The following ZNRF2 variants were observed in gnomAD, a reference collection of about 807,000 sequenced individuals.
ZNRF2 encodes zinc and ring finger 2.
In ZNRF2, 16 loss-of-function variants were observed where a neutral mutation model predicts 20.4. The ratio of observed to expected loss-of-function variants is 0.79; its 90% confidence interval spans 0.53 to 1.19. The LOEUF is 1.19. ZNRF2 is among the 50% of genes most tolerant of loss of function. ZNRF2 has a pLI of 0.00. For synonymous variants in ZNRF2, 178 were observed against 144.9 expected, an observed-to-expected ratio of 1.23 and a Z score of -1.64; for missense variants, 363 against 332.4, an observed-to-expected ratio of 1.09 and a Z score of -0.72.
chr7:30,365,844 T>G (rs1366152271), intron 4 of ZNRF2, among the ~76,000 whole-genome samples, 191 bp from the exon 5 acceptor site: 1 of 152,162 alleles, frequency 6.6e-6, no homozygotes, highest in African/African-American at 2.4e-5. Flanking sequence ...TTTACTTGCG[T>G]GTAGTCCTTA....
intron 2 of ZNRF2, among the ~76,000 whole-genome samples, chr7:30,337,720 A>G (rs143760561): frequency 1.9e-3 from 288 of 152,052 alleles, no homozygotes; most frequent in African/African-American, 6.5e-3. Flanking sequence ...TTTGCTTGCT[A>G]TCTTTGCTTC....
intron 2 of ZNRF2, among the ~76,000 whole-genome samples, chr7:30,350,041 A>G (rs1425920853): frequency 1.3e-5 from 2 of 152,044 alleles, no homozygotes; most frequent in East Asian, 3.9e-4. Flanking sequence ...TTGTGTGACT[A>G]CTTGTGGCTT....
At chr7:30,347,016 T>A (rs1014640868) in intron 2 of ZNRF2, among the ~76,000 whole-genome samples, 2 of 152,176 alleles carry the variant, frequency 1.3e-5, no homozygotes, top group African/African-American at 4.8e-5. Flanking sequence ...ATTCTAGGAA[T>A]TTTTACTGGT....
rs1798741010 is a variant in ZNRF2, at chr7:30,284,834, A to G, written c.-524A>G. ...CACCCGTTTTTCCTCTTTCTCCGTT[A>G]ATAACAGCTGGGTGGCTGGGGGAGG... On this transcript the variant is annotated 5_prime_UTR_variant, in exon 1 of 5. Coordinates refer to ENST00000323037, the MANE Select transcript of ZNRF2 (RefSeq NM_147128.4). 1 of 209,572 alleles carries G rather than the reference A, an allele frequency of 4.8e-6. No individual in the cohort carries two copies. The highest frequency in any genetic ancestry group is 1.0e-5 in the Non-Finnish European group (1 of 98,206). 13.0% of individuals were successfully genotyped at this position (209,572 alleles called of 1,614,324 possible).
At position 30,305,406 on chromosome 7, in the gene ZNRF2, T is replaced by C. The variant is rs188891198; in HGVS notation, c.470-18236T>C. Among the ~76,000 whole-genome samples the C allele has an allele frequency of 1.3e-3, 194 of 152,310 alleles. 1 individual carries two copies. The highest frequency in any genetic ancestry group is 4.3e-3 in the African/African-American group (180 of 41,584). ...AGTTTTACTCATGTTTTAAAAGATA[T>C]CTTAAGCTTCAAGGGAGATATGGCT... On this transcript the variant is annotated intron_variant, in intron 1 of 4. Transcript: ENST00000323037.
chr7:30,323,880 T>C, intron 2 of ZNRF2, 143 bp downstream of exon 2: 1 of 506,982 alleles, frequency 2.0e-6, no homozygotes, highest in Non-Finnish European at 3.2e-6. Context: ...GGTTCTCAAA[T>C]TCTGTGATCT....
chr7:30,361,940 A>C (rs1480140303), intron 3 of ZNRF2, among the ~76,000 whole-genome samples: 1 of 152,246 alleles, frequency 6.6e-6, no homozygotes, highest in African/African-American at 2.4e-5. Context: ...TTCAATAATC[A>C]CATATAAATA....
chr7:30,362,362 T>C lies in ZNRF2; in HGVS notation c.672-15T>C, dbSNP rs1259420041. 1 of 1,562,230 alleles carries C rather than the reference T, an allele frequency of 6.4e-7. No homozygotes were observed. Among genetic ancestry groups the C allele is most frequent in the Non-Finnish European group, 8.7e-7 (1 of 1,147,534 alleles). Reference sequence around the variant, plus strand: ...GTATAAGTATCTCAATTTTTCTGGTTTTGTTCCTTTCTAGCTGCATAGATG... The same window carrying C: ...GTATAAGTATCTCAATTTTTCTGGTCTTGTTCCTTTCTAGCTGCATAGATG... On this transcript the variant is annotated splice_polypyrimidine_tract_variant and intron_variant, in intron 3 of 4. Coordinates refer to ENST00000323037, the MANE Select transcript of ZNRF2 (RefSeq NM_147128.4).
rs138713655 is a variant in ZNRF2, at chr7:30,289,419, A to G, written c.469+3593A>G. ...TCAGTTATCACTTCTTACCAATATC[A>G]AGTGCCAAAATGTTTGAATTTGGGA... On this transcript the variant is annotated intron_variant, in intron 1 of 4. Coordinates refer to ENST00000323037, the MANE Select transcript of ZNRF2 (RefSeq NM_147128.4). Among the ~76,000 whole-genome samples the G allele has an allele frequency of 6.6e-3, 1,008 of 152,290 alleles. 16 individuals are homozygous for G. The highest frequency in any genetic ancestry group is 0.023 in the African/African-American group (969 of 41,544).
At chr7:30,318,547 C>A (rs2128062047) in intron 1 of ZNRF2, among the ~76,000 whole-genome samples, 1 of 152,222 alleles carries the variant, frequency 6.6e-6, no homozygotes, top group South Asian at 2.1e-4. Context: ...AAAAATCTCA[C>A]CTGTATTTTT....
chr7:30,311,286 T>C (rs1264248030), intron 1 of ZNRF2, among the ~76,000 whole-genome samples: 1 of 152,138 alleles, frequency 6.6e-6, no homozygotes, highest in East Asian at 1.9e-4. Context: ...CGAGTAACTT[T>C]TAAGATAGAT....
chr7:30,285,850 C>G (rs113291958), intron 1 of ZNRF2, 24 bp downstream of exon 1: 11 of 1,459,676 alleles, frequency 7.5e-6, no homozygotes, highest in African/African-American at 4.5e-5. Context: ...TCCGCGCACC[C>G]GCGCTCGGTC....
chr7:30,305,331 C>T (rs1799182892), intron 1 of ZNRF2, among the ~76,000 whole-genome samples: 1 of 152,136 alleles, frequency 6.6e-6, no homozygotes, highest in African/African-American at 2.4e-5. Context: ...TTCGAGCATT[C>T]TAATCTTACG....
At chr7:30,320,611 A>G (rs770071429) in intron 1 of ZNRF2, among the ~76,000 whole-genome samples, 3 of 152,156 alleles carry the variant, frequency 2.0e-5, no homozygotes, top group Non-Finnish European at 2.9e-5. Context: ...TATCTCATGT[A>G]ATTTATTGAA....
At chr7:30,355,550 T>C (rs1010948522) in intron 2 of ZNRF2, among the ~76,000 whole-genome samples, 178 bp from the exon 3 acceptor site, 33 of 152,192 alleles carry the variant, frequency 2.2e-4, no homozygotes, top group African/African-American at 1.2e-4. Flanking sequence ...AAGGTAAACA[T>C]TATTCAGTCA....
intron 1 of ZNRF2, among the ~76,000 whole-genome samples, chr7:30,308,852 G>C (rs147086996): frequency 1.8e-4 from 28 of 151,652 alleles, no homozygotes; most frequent in African/African-American, 6.8e-4. Flanking sequence ...AATTGACTTA[G>C]ATTTACTACA....
intron 2 of ZNRF2, among the ~76,000 whole-genome samples, chr7:30,336,924 G>A (rs1799724042): frequency 6.6e-6 from 1 of 152,102 alleles, no homozygotes; most frequent in Non-Finnish European, 1.5e-5. Context: ...TAGAAAACAT[G>A]CGTGTATGTG....
rs1475324365 is a variant in ZNRF2 at position 30,285,602 on chromosome 7, C to T, written c.245C>T (p.Ser82Phe). 7.8e-6 allele frequency: 9 copies of T among 1,160,338 alleles called. No homozygotes were observed. The highest frequency in any genetic ancestry group is 9.5e-6 in the Non-Finnish European group (9 of 943,086). 71.9% of individuals were successfully genotyped at this position (1,160,338 alleles called of 1,614,324 possible). A position where few individuals can be genotyped will look rare whatever the true frequency, so the allele number is the denominator to read the frequency against. Reference protein sequence around the residue: ...PAAPAAPRSRSLGGAVGSVAS... With the variant: ...PAAPAAPRSRFLGGAVGSVAS... ...GCCCCGGCGGCCCCGCGCAGCCGCT[C>T]CCTCGGCGGGGCCGTGGGGAGCGTG... Residue 82 changes from serine to phenylalanine, a missense_variant, in exon 1 of 5, where the codon TCC becomes TTC. This residue lies in a region of ZNRF2 where 302 missense variants were observed against 231.5 expected (regional missense o/e 1.30). Coordinates refer to ENST00000323037, the MANE Select transcript of ZNRF2 (RefSeq NM_147128.4).
chr7:30,284,859 G>T lies in ZNRF2; in HGVS notation c.-499G>T, dbSNP rs1284578357. On this transcript the variant is annotated 5_prime_UTR_variant, in exon 1 of 5. Transcript: ENST00000323037. ...AATAACAGCTGGGTGGCTGGGGGAG[G>T]AGGGAAGGTGGCCCCGGCGGAGTCT... 2 of 225,422 alleles carry T rather than the reference G, an allele frequency of 8.9e-6. No homozygotes were observed. Among genetic ancestry groups the T allele is most frequent in the Admixed American group, 6.5e-5 (1 of 15,488 alleles). 14.0% of individuals were successfully genotyped at this position (225,422 alleles called of 1,614,324 possible). A position where few individuals can be genotyped will look rare whatever the true frequency, so the allele number is the denominator to read the frequency against.
Sources: allele counts gnomAD v4.1 joint callset (sites outside exome capture counted in the v4.1 genomes callset), GRCh38; gene constraint gnomAD v4.1.1; regional missense constraint gnomAD v4.1.1; transcripts MANE v1.5; gene names NCBI Gene and HGNC (gene_info 2026-07-23, HGNC 2026-07-21).